The following ADGRG4 variants were observed in gnomAD, a reference collection of about 807,000 sequenced individuals.
ADGRG4 encodes the protein adhesion G protein-coupled receptor G4.
ADGRG4 carries 122 observed loss-of-function variants against 126.2 expected under a neutral mutation model. The ratio of observed to expected loss-of-function variants is 0.97; its 90% confidence interval spans 0.83 to 1.12. The LOEUF (loss-of-function observed/expected upper bound fraction) is 1.12. Among genes scored for constraint, ADGRG4 ranks in the 50% most tolerant of loss-of-function variants. The probability of loss-of-function intolerance (pLI) is 0.00; values close to 1 mark genes in which losing one functional copy is unlikely to be tolerated. For synonymous variants in ADGRG4, 943 were observed against 838.7 expected, an observed-to-expected ratio of 1.12 and a Z score of -2.15; for missense variants, 2,481 against 2,251.8, an observed-to-expected ratio of 1.10 and a Z score of -2.06.
chrX:136,317,563 T>C (rs1337529505), intron 4 of ADGRG4, among the ~76,000 whole-genome samples: 1 of 85,139 alleles, frequency 1.2e-5, no homozygotes, highest in Non-Finnish European at 2.4e-5. Flanking sequence ...GCATGAGCAA[T>C]AAAAGAAAAG....
intron 4 of ADGRG4, among the ~76,000 whole-genome samples, chrX:136,321,546 C>T (rs535478569): frequency 0.011 from 1,247 of 111,866 alleles, 12 homozygotes; most frequent in Middle Eastern, 0.046. Context: ...AACGTTACAA[C>T]TGTAATTCAG....
At position 136,328,156 on chromosome X, in the gene ADGRG4, T is replaced by C. The variant is rs775657999; in HGVS notation, c.685+4764T>C. Among the ~76,000 whole-genome samples the C allele has an allele frequency of 3.6e-5, 4 of 111,650 alleles. No individual in the cohort carries two copies. The South Asian group carries it at 1.5e-3, about 42-fold the overall frequency. On this transcript the variant is annotated intron_variant, in intron 5 of 25. Transcript: ENST00000394143. Reference sequence around the variant, plus strand: ...GGAGGCATTTTCATATCAGAAAATATAGAGCTATCTGATTCTTTTGGGGGG... The same window carrying C: ...GGAGGCATTTTCATATCAGAAAATACAGAGCTATCTGATTCTTTTGGGGGG...
intron 24 of ADGRG4, among the ~76,000 whole-genome samples, chrX:136,413,720 GT>G (rs1275045346): frequency 1.0e-5 from 1 of 97,905 alleles, no homozygotes; most frequent in African/African-American, 3.8e-5. Context: ...ATCAAGCTTT[GT>G]TTTTTTGTTT....
At chrX:136,333,512 G>A (rs191473398) in intron 5 of ADGRG4, among the ~76,000 whole-genome samples, 6 of 111,083 alleles carry the variant, frequency 5.4e-5, no homozygotes, top group African/African-American at 1.3e-4. Flanking sequence ...GTATTTATTT[G>A]TTTATTTATT....
rs767603575 is a variant in ADGRG4 at position 136,356,273 on chromosome X, G to C, written c.6927+108G>C. 8 of 466,181 alleles carry C rather than the reference G, an allele frequency of 1.7e-5. No individual in the cohort carries two copies. In the Admixed American group the frequency reaches 2.2e-4, roughly 13 times the overall value. The allele number at this position is 466,181 out of a possible 1,213,427, so 38.4% of individuals were successfully genotyped here. A position where few individuals can be genotyped will look rare whatever the true frequency, so the allele number is the denominator to read the frequency against. On this transcript the variant is annotated intron_variant, in intron 9 of 25. Transcript: ENST00000394143. ...ATATATTATCAGGCGAGGCTTTGTTGTGGCAATTGGGGGTCAAATTACATT... is the reference window on the plus strand; with the variant it reads ...ATATATTATCAGGCGAGGCTTTGTTCTGGCAATTGGGGGTCAAATTACATT...
intron 5 of ADGRG4, among the ~76,000 whole-genome samples, chrX:136,323,852 C>CCAA (rs1486890459): frequency 9.0e-6 from 1 of 111,668 alleles, no homozygotes; most frequent in African/African-American, 3.3e-5. Flanking sequence ...GGCCCAGGAT[C>CCAA]CAACTCAGGA....
chrX:136,363,588 A>C lies in ADGRG4; in HGVS notation c.7389A>C (p.Ile2463=). The change falls in exon 13 of 26, where the codon ATA becomes ATC. Residue 2463 remains isoleucine (I), a synonymous_variant. Coordinates refer to ENST00000394143, the MANE Select transcript of ADGRG4 (RefSeq NM_153834.4). The part of the protein sequence containing the change: ...DKIVDLANIT[I]SDENAEDVAE... The stretch of plus-strand genomic sequence containing the variant: ...TTGTGGATCTTGCTAATATTACCAT[A>C]AGTGATGGTAAGATTGTTTTGTACA... 2 of 1,067,035 alleles carry C rather than the reference A, an allele frequency of 1.9e-6. No homozygotes were observed. The highest frequency in any genetic ancestry group is 2.6e-6 in the Non-Finnish European group (2 of 763,951). The allele number at this position is 1,067,035 out of a possible 1,213,427, so 87.9% of individuals were successfully genotyped here. A position where few individuals can be genotyped will look rare whatever the true frequency, so the allele number is the denominator to read the frequency against.
intron 5 of ADGRG4, among the ~76,000 whole-genome samples, chrX:136,332,129 A>G (rs2074915396): frequency 9.4e-6 from 1 of 106,711 alleles, no homozygotes; most frequent in African/African-American, 3.4e-5. Flanking sequence ...AGCATTAGGT[A>G]TATCTCCCGA....
At chrX:136,366,872 C>A (rs929560672) in intron 13 of ADGRG4, among the ~76,000 whole-genome samples, 1 of 92,555 alleles carries the variant, frequency 1.1e-5, no homozygotes. Context: ...TGTTTGTGTG[C>A]CCCAAAAATT....
chrX:136,409,190 G>A (rs1569339834), intron 23 of ADGRG4, among the ~76,000 whole-genome samples: 2 of 111,600 alleles, frequency 1.8e-5, no homozygotes, highest in African/African-American at 6.5e-5. Flanking sequence ...GGATGGGGGC[G>A]ACCTGTGGTC....
intron 17 of ADGRG4, 35 bp from the exon 18 acceptor site, chrX:136,393,500 G>A (rs1488221285): frequency 1.8e-6 from 2 of 1,141,966 alleles, no homozygotes. Flanking sequence ...AATATCACAA[G>A]GCAAGATGTT....
At chrX:136,366,949 T>C (rs2075162591) in intron 13 of ADGRG4, among the ~76,000 whole-genome samples, 1 of 110,748 alleles carries the variant, frequency 9.0e-6, no homozygotes, top group Admixed American at 9.6e-5. Flanking sequence ...GGGGATTAGG[T>C]CATGAGGGTG....
chrX:136,318,479 T>C (rs993783430), intron 4 of ADGRG4, among the ~76,000 whole-genome samples: 1 of 111,937 alleles, frequency 8.9e-6, no homozygotes, highest in African/African-American at 3.3e-5. Flanking sequence ...CACAACATTA[T>C]GAATATGCTA....
At chrX:136,330,752 G>A (rs1159957040) in intron 5 of ADGRG4, among the ~76,000 whole-genome samples, 1 of 111,424 alleles carries the variant, frequency 9.0e-6, no homozygotes, top group East Asian at 2.8e-4. Context: ...TATATGAGAT[G>A]TTTTGATACA....
At chrX:136,404,825 T>C (rs2075396490) in intron 22 of ADGRG4, among the ~76,000 whole-genome samples, 1 of 111,969 alleles carries the variant, frequency 8.9e-6, no homozygotes, top group East Asian at 2.8e-4. Context: ...TTTTTTAACA[T>C]GTTTGCAACA....
intron 21 of ADGRG4, 151 bp downstream of exon 21, chrX:136,400,267 C>T: frequency 2.1e-6 from 1 of 473,820 alleles, no homozygotes; most frequent in Non-Finnish European, 3.5e-6. Flanking sequence ...GCCTGTATTG[C>T]TCTATAAATT....
At chrX:136,407,517 A>G (rs1434922230) in intron 23 of ADGRG4, among the ~76,000 whole-genome samples, 2 of 111,785 alleles carry the variant, frequency 1.8e-5, no homozygotes, top group Non-Finnish European at 3.8e-5. Flanking sequence ...GCAATGTAGC[A>G]GAAGGCATGG....
chrX:136,349,669 T>G lies in ADGRG4; in HGVS notation c.5963T>G (p.Leu1988Arg). The change falls in exon 6 of 26, where the codon CTC becomes CGC. Residue 1988 changes from leucine to arginine, a missense_variant. Transcript: ENST00000394143. ...ACATCTGTAACTCCTGGGACCACAC[T>G]CCCATCAATTCTTTCTGGTGCCACT... Reference protein sequence around the residue: ...MTTSVTPGTTLPSILSGATSG... With the variant: ...MTTSVTPGTTRPSILSGATSG... 2.5e-6 allele frequency: 3 copies of G among 1,210,512 alleles called. No homozygotes were observed. Among genetic ancestry groups the G allele is most frequent in the Non-Finnish European group, 3.4e-6 (3 of 894,884 alleles).
chrX:136,361,398 T>A, intron 11 of ADGRG4, 57 bp from the exon 12 acceptor site: 1 of 709,850 alleles, frequency 1.4e-6, no homozygotes, highest in Non-Finnish European at 1.9e-6. Context: ...TAATGGATGT[T>A]TGTAATACTT....
Sources: allele counts gnomAD v4.1 joint callset (sites outside exome capture counted in the v4.1 genomes callset), GRCh38; gene constraint gnomAD v4.1.1; transcripts MANE v1.5; gene names NCBI Gene and HGNC (gene_info 2026-07-23, HGNC 2026-07-21).